FBXL19: variants seen among roughly 807,000 people sequenced by gnomAD.
FBXL19 encodes the protein F-box and leucine rich repeat protein 19.
A neutral mutation model predicts 71.2 loss-of-function variants in FBXL19; 16 were observed. That is an observed-to-expected ratio of 0.22 (90% confidence interval 0.15 to 0.34). FBXL19 has a LOEUF of 0.34. FBXL19 is among the 10% of genes least tolerant of loss of function. The probability of loss-of-function intolerance (pLI) is 1.00; values close to 1 mark genes in which losing one functional copy is unlikely to be tolerated. For missense variants in FBXL19, 658 were observed against 968.2 expected (o/e 0.68, Z 4.25); for synonymous variants, 447 against 409.4 (o/e 1.09, Z -1.11).
At chr16:30,941,455 G>C (rs1313545685) in intron 7 of FBXL19, among the ~76,000 whole-genome samples, 1 of 152,180 alleles carries the variant, frequency 6.6e-6, no homozygotes, top group Non-Finnish European at 1.5e-5. Context: ...TACAGAGTGA[G>C]ACCCTGTCTC....
At position 30,947,870 on chromosome 16, in the gene FBXL19, C is replaced by T. The variant is rs1217231552; in HGVS notation, c.*640C>T. On this transcript the variant is annotated 3_prime_UTR_variant, in exon 11 of 11. Coordinates refer to ENST00000338343, the MANE Select transcript of FBXL19 (RefSeq NM_001382779.1). ...CAGGCTTCAGTTCCTTCCCCCTGAC[C>T]CTGACTCCTTGAACGTCACTGAAAA... is the stretch of plus-strand genomic sequence containing the variant. 2.0e-5 allele frequency: 9 copies of T among 454,260 alleles called. No homozygotes were observed. In the East Asian group the frequency reaches 6.3e-4, roughly 32 times the overall value. 28.1% of individuals were successfully genotyped at this position (454,260 alleles called of 1,614,324 possible). A position where few individuals can be genotyped will look rare whatever the true frequency, so the allele number is the denominator to read the frequency against.
rs896441422 is a variant in FBXL19 at position 30,930,019 on chromosome 16, G to A, written c.790-54G>A. ...CCCTGGTGACTCCTCGGGGTAGGGG[G>A]GTGGGAAAATGTATCCCAGGCCCTA... is the stretch of plus-strand genomic sequence containing the variant. On this transcript the variant is annotated intron_variant, in intron 6 of 10. Coordinates refer to ENST00000338343, the MANE Select transcript of FBXL19 (RefSeq NM_001382779.1). The surrounding 1 kb of genome is among the most constrained non-coding windows in gnomAD (Gnocchi z 8.5). The A allele has an allele frequency of 1.5e-5, 23 of 1,564,504 alleles. No homozygotes were observed. The highest frequency in any genetic ancestry group is 1.8e-5 in the Non-Finnish European group (21 of 1,153,320).
chr16:30,928,060 C>T, intron 5 of FBXL19, 97 bp downstream of exon 5: 2 of 838,280 alleles, frequency 2.4e-6, no homozygotes, highest in South Asian at 1.9e-5. Flanking sequence ...TGGGAGCGTG[C>T]TCTGTGGGTT....
intron 9 of FBXL19, among the ~76,000 whole-genome samples, chr16:30,943,230 C>T (rs2055820703): frequency 6.6e-6 from 1 of 152,144 alleles, no homozygotes; most frequent in Non-Finnish European, 1.5e-5. Flanking sequence ...GCTCTGTCAC[C>T]CAGACTGGAG....
chr16:30,936,622 T>G (rs2055738100), intron 7 of FBXL19, among the ~76,000 whole-genome samples: 1 of 140,112 alleles, frequency 7.1e-6, no homozygotes, highest in South Asian at 2.2e-4. Flanking sequence ...TTTTTTTTTG[T>G]TTTTTAGTAG....
rs528161399 is a variant in FBXL19 at position 30,931,984 on chromosome 16, G to A, written c.1301+1400G>A. Among the ~76,000 whole-genome samples the A allele has an allele frequency of 4.7e-5, 7 of 150,006 alleles. No homozygotes were observed. In the East Asian group the frequency reaches 5.9e-4, roughly 13 times the overall value. On this transcript the variant is annotated intron_variant, in intron 7 of 10. Coordinates refer to ENST00000338343, the MANE Select transcript of FBXL19 (RefSeq NM_001382779.1). ...TTGAACTCCTGACCTGAAGCGATCC[G>A]CCCGCCTCAGCCTCCCAAAGTGCTG...
At chr16:30,933,978 C>A (rs1014621894) in intron 7 of FBXL19, among the ~76,000 whole-genome samples, 2 of 150,654 alleles carry the variant, frequency 1.3e-5, no homozygotes, top group African/African-American at 4.9e-5. Flanking sequence ...GTCTCGAACT[C>A]CTGACCTCAG....
intron 7 of FBXL19, among the ~76,000 whole-genome samples, chr16:30,932,556 G>A (rs1225087155): frequency 6.6e-6 from 1 of 152,182 alleles, no homozygotes; most frequent in Non-Finnish European, 1.5e-5. Context: ...CTGGCTGCGT[G>A]GCCATGTGTG....
At position 30,942,056 on chromosome 16, in the gene FBXL19, G is replaced by T; in HGVS notation, c.1302-60G>T. ...GCACCCTTGGAGCTGGGGAGCCTGG[G>T]AACTGTGGGCTGCTGAGAGCTGAGG... On this transcript the variant is annotated intron_variant, in intron 7 of 10. Coordinates refer to ENST00000338343, the MANE Select transcript of FBXL19 (RefSeq NM_001382779.1). The surrounding 1 kb of genome is among the most constrained non-coding windows in gnomAD (Gnocchi z 5.7). 1 of 1,459,328 alleles carries T rather than the reference G, an allele frequency of 6.9e-7. No individual in the cohort carries two copies. The highest frequency in any genetic ancestry group is 9.1e-7 in the Non-Finnish European group (1 of 1,100,732). 90.4% of individuals were successfully genotyped at this position (1,459,328 alleles called of 1,614,324 possible). A position where few individuals can be genotyped will look rare whatever the true frequency, so the allele number is the denominator to read the frequency against.
At chr16:30,924,782 G>A (rs756533035) in intron 1 of FBXL19, 1 of 1,471,490 alleles carries the variant, frequency 6.8e-7, no homozygotes, top group South Asian at 1.5e-5. Flanking sequence ...AGACTGACTG[G>A]GAAGAGACCC....
chr16:30,940,245 C>G (rs13336347), intron 7 of FBXL19, among the ~76,000 whole-genome samples: 52,008 of 149,340 alleles, frequency 0.35, 11,213 homozygotes, highest in East Asian at 0.9. Context: ...GCAACAAGAG[C>G]GAAACTCTGT....
At chr16:30,943,257 C>T (rs867238894) in intron 9 of FBXL19, among the ~76,000 whole-genome samples, 2 of 152,060 alleles carry the variant, frequency 1.3e-5, no homozygotes, top group African/African-American at 4.8e-5. Flanking sequence ...GGCAAGATCT[C>T]GGCTTACTGC....
intron 2 of FBXL19, among the ~76,000 whole-genome samples, chr16:30,926,496 G>C (rs1223908918): frequency 6.6e-6 from 1 of 152,068 alleles, no homozygotes; most frequent in Admixed American, 6.5e-5. Context: ...ATGGGTTTCC[G>C]CCCTGCCTTC....
chr16:30,924,457 G>A lies in FBXL19; in HGVS notation c.-27G>A, dbSNP rs942393412. On this transcript the variant is annotated splice_region_variant and 5_prime_UTR_variant, in exon 1 of 11. Transcript: ENST00000338343. Reference sequence around the variant, plus strand: ...GAGAGATGGCTCCCGGGACACGTGTGAGGTGGGTTCATGCGGCTCCTCCTC... The same window carrying A: ...GAGAGATGGCTCCCGGGACACGTGTAAGGTGGGTTCATGCGGCTCCTCCTC... 1.1e-5 allele frequency: 4 copies of A among 380,890 alleles called. No homozygotes were observed. The highest frequency in any genetic ancestry group is 1.8e-5 in the Non-Finnish European group (4 of 220,564). 23.6% of individuals were successfully genotyped at this position (380,890 alleles called of 1,614,324 possible).
upstream of FBXL19, among the ~76,000 whole-genome samples, chr16:30,923,447 C>G (rs557283714): frequency 6.0e-5 from 9 of 150,402 alleles, no homozygotes; most frequent in Admixed American, 2.6e-4. Context: ...TGCGTTCGTC[C>G]TGGAAAGTGG....
intron 9 of FBXL19, among the ~76,000 whole-genome samples, chr16:30,945,702 T>TG (rs1238380267): frequency 6.9e-6 from 1 of 145,526 alleles, no homozygotes; most frequent in Non-Finnish European, 1.5e-5. Context: ...TCAGGTGCGG[T>TG]GGCTCAGGCC....
At chr16:30,928,715 A>C in intron 6 of FBXL19, 87 bp downstream of exon 6, 2 of 987,704 alleles carry the variant, frequency 2.0e-6, no homozygotes, top group South Asian at 2.3e-5. Flanking sequence ...CTTCCTGCTC[A>C]CCTTGTTCTG....
At chr16:30,937,290 A>C (rs2055749729) in intron 7 of FBXL19, among the ~76,000 whole-genome samples, 1 of 151,892 alleles carries the variant, frequency 6.6e-6, no homozygotes. Flanking sequence ...GTTCTTGCCC[A>C]TCTGGAACAC....
At chr16:30,931,264 G>A (rs1270359812) in intron 7 of FBXL19, among the ~76,000 whole-genome samples, 1 of 151,988 alleles carries the variant, frequency 6.6e-6, no homozygotes, top group Non-Finnish European at 1.5e-5. Flanking sequence ...AACTCCCACA[G>A]CACTCTGTTC....
Sources: allele counts gnomAD v4.1 joint callset (sites outside exome capture counted in the v4.1 genomes callset), GRCh38; gene constraint gnomAD v4.1.1; non-coding constraint Gnocchi (gnomAD v3.1); transcripts MANE v1.5; gene names NCBI Gene and HGNC (gene_info 2026-07-23, HGNC 2026-07-21).